Variants in AGBL3 observed in about 807,000 individuals in gnomAD.
The protein encoded by AGBL3 is cytosolic carboxypeptidase 3.
AGBL3 carries 68 observed loss-of-function variants against 94.5 expected under a neutral mutation model. That is an observed-to-expected ratio of 0.72 (90% confidence interval 0.59 to 0.88). The LOEUF (loss-of-function observed/expected upper bound fraction) is 0.88. Among genes scored for constraint, AGBL3 ranks in the 40% least tolerant of loss-of-function variants. The pLI, the probability that AGBL3 is intolerant of heterozygous loss-of-function variation, is 0.00. For missense variants in AGBL3, 934 were observed against 1,103.8 expected (o/e 0.85, Z 2.18); for synonymous variants, 354 against 370.7 (o/e 0.95, Z 0.52).
intron 4 of AGBL3, 92 bp downstream of exon 4, chr7:134,993,770 A>C: frequency 8.1e-6 from 9 of 1,114,580 alleles, no homozygotes; most frequent in Non-Finnish European, 1.1e-5. Context: ...GTTAGAAAAC[A>C]GCACATTCCA....
chr7:135,094,495 A>T, intron 15 of AGBL3: 1 of 456,690 alleles, frequency 2.2e-6, no homozygotes, highest in South Asian at 1.5e-5. Context: ...TGGTGGCCAT[A>T]GTCTTGTCTG....
At chr7:135,028,335 C>T (rs1815369089) in intron 5 of AGBL3, among the ~76,000 whole-genome samples, 1 of 148,578 alleles carries the variant, frequency 6.7e-6, no homozygotes. Flanking sequence ...AAATTGGAGT[C>T]AGTCCTATTA....
At position 135,003,655 on chromosome 7, in the gene AGBL3, T is replaced by C. The variant is rs1301740199; in HGVS notation, c.310+9977T>C. The stretch of plus-strand genomic sequence containing the variant: ...TCCTTTATCTCCTTTATTATAGTTT[T>C]AATTTTTTTTTTTCTGCACCGTTTC... On this transcript the variant is annotated intron_variant, in intron 4 of 16. Transcript: ENST00000436302. 2.0e-5 allele frequency among the ~76,000 whole-genome samples: 3 copies of C among 151,090 alleles called. No individual in the cohort carries two copies. In the East Asian group the frequency reaches 5.8e-4, roughly 29 times the overall value.
chr7:135,004,849 G>T (rs1812187254), intron 4 of AGBL3, among the ~76,000 whole-genome samples: 2 of 151,350 alleles, frequency 1.3e-5, no homozygotes, highest in South Asian at 2.1e-4. Context: ...ATCAGTGCTT[G>T]AAATTATTTA....
At chr7:135,073,512 A>AAATAAATAAATAAACG (rs1554510800) in intron 12 of AGBL3, among the ~76,000 whole-genome samples, 170 of 144,236 alleles carry the variant, frequency 1.2e-3, no homozygotes, top group Admixed American at 3.6e-3. Flanking sequence ...ATAAATAAAT[A>AAATAAATAAATAAACG]AACCTTGCAG....
intron 4 of AGBL3, among the ~76,000 whole-genome samples, chr7:134,999,132 AGT>A (rs1402787605): frequency 6.6e-6 from 1 of 152,186 alleles, no homozygotes; most frequent in Non-Finnish European, 1.5e-5. Context: ...TGGGCTGTAA[AGT>A]GTGTTTCTTG....
intron 11 of AGBL3, among the ~76,000 whole-genome samples, chr7:135,046,818 G>A (rs1817406449): frequency 6.6e-6 from 1 of 152,128 alleles, no homozygotes; most frequent in East Asian, 1.9e-4. Context: ...ATAAGTCTTT[G>A]ACTTCTTTGA....
intron 12 of AGBL3, among the ~76,000 whole-genome samples, chr7:135,071,505 C>G (rs1819903374): frequency 6.6e-6 from 1 of 152,170 alleles, no homozygotes; most frequent in South Asian, 2.1e-4. Flanking sequence ...TACCTGACTT[C>G]AAACTATACT....
At chr7:135,103,984 T>C (rs1374366978) in intron 15 of AGBL3, among the ~76,000 whole-genome samples, 1 of 152,084 alleles carries the variant, frequency 6.6e-6, no homozygotes, top group Non-Finnish European at 1.5e-5. Context: ...CTTATATAGG[T>C]AAACTTATGT....
intron 5 of AGBL3, among the ~76,000 whole-genome samples, chr7:135,020,228 C>A (rs1259283132): frequency 6.6e-6 from 1 of 151,926 alleles, no homozygotes; most frequent in African/African-American, 2.4e-5. Flanking sequence ...AAAAAACAAC[C>A]CCATCAACAA....
chr7:135,092,015 G>C (rs1286722450), intron 15 of AGBL3, among the ~76,000 whole-genome samples: 3 of 152,190 alleles, frequency 2.0e-5, no homozygotes, highest in African/African-American at 7.2e-5. Flanking sequence ...TAACTGAGAA[G>C]TTAGGCATTT....
chr7:135,004,552 T>C (rs1812143726), intron 4 of AGBL3, among the ~76,000 whole-genome samples: 3 of 151,762 alleles, frequency 2.0e-5, no homozygotes, highest in Admixed American at 2.0e-4. Flanking sequence ...AGACAGAGAA[T>C]ATTGTTATTA....
rs956504999 is a variant in AGBL3 at position 135,032,978 on chromosome 7, A to C, written c.553A>C (p.Lys185Gln). 2 of 1,546,998 alleles carry C rather than the reference A, an allele frequency of 1.3e-6. No individual in the cohort carries two copies. The highest frequency in any genetic ancestry group is 1.7e-6 in the Non-Finnish European group (2 of 1,145,022). Residue 185 changes from lysine to glutamine, a missense_variant, in exon 6 of 17, where the codon AAA (lysine) becomes CAA (glutamine). Coordinates refer to ENST00000436302, the MANE Select transcript of AGBL3 (RefSeq NM_178563.4). ...GAGTGGTAATCTACAGAAGGTAGTC[A>C]AAGTGTAGGTTCTAATTATTTTTAT... ...FESGNLQKVV[K>Q]VAEYEYQLTV... is the part of the protein sequence containing the mutation.
At chr7:135,044,580 TTTAG>T (rs1305045374) in intron 9 of AGBL3, among the ~76,000 whole-genome samples, 1 of 152,126 alleles carries the variant, frequency 6.6e-6, no homozygotes, top group Non-Finnish European at 1.5e-5. Context: ...TAAGAAATCT[TTTAG>T]TTACAGCTAG....
intron 12 of AGBL3, among the ~76,000 whole-genome samples, chr7:135,069,612 C>T (rs1819686957): frequency 6.6e-6 from 1 of 152,178 alleles, no homozygotes; most frequent in Admixed American, 6.5e-5. Context: ...GAGCAACCTG[C>T]TCCTGAATGA....
chr7:135,041,281 A>T (rs1816833165), intron 8 of AGBL3, among the ~76,000 whole-genome samples: 1 of 152,184 alleles, frequency 6.6e-6, no homozygotes, highest in African/African-American at 2.4e-5. Flanking sequence ...TCTAAGATGG[A>T]TAAGGAAATG....
At chr7:135,062,377 G>C (rs184407707) in intron 12 of AGBL3, among the ~76,000 whole-genome samples, 41 of 152,000 alleles carry the variant, frequency 2.7e-4, no homozygotes, top group African/African-American at 9.7e-4. Flanking sequence ...TAATTGCTCT[G>C]GCTAGGACTT....
At chr7:135,051,888 A>G (rs534029175) in intron 11 of AGBL3, among the ~76,000 whole-genome samples, 1 of 152,252 alleles carries the variant, frequency 6.6e-6, no homozygotes, top group African/African-American at 2.4e-5. Context: ...AGCTTAGTAT[A>G]AAGTATTTTT....
intron 5 of AGBL3, among the ~76,000 whole-genome samples, chr7:135,025,918 C>CCT (rs34045375): frequency 0.88 from 133,247 of 151,470 alleles, 59,159 homozygotes; most frequent in East Asian, 0.99. Context: ...AATGGCGCAT[C>CCT]GTTTCATAAA....
Sources: allele counts gnomAD v4.1 joint callset (sites outside exome capture counted in the v4.1 genomes callset), GRCh38; gene constraint gnomAD v4.1.1; transcripts MANE v1.5; gene names NCBI Gene and HGNC (gene_info 2026-07-23, HGNC 2026-07-21).